The following NUS1 variants were observed in gnomAD, a reference collection of about 807,000 sequenced individuals.
NUS1 encodes the protein NUS1 dehydrodolichyl diphosphate synthase subunit.
For missense variants in NUS1, 292 were observed against 382.9 expected (o/e 0.76, Z 1.98); for synonymous variants, 135 against 155.2 (o/e 0.87, Z 0.97).
At chr6:117,703,506 T>TG (rs1356922001) in intron 3 of NUS1, 99 bp from the exon 4 acceptor site, 1 of 880,120 alleles carries the variant, frequency 1.1e-6, no homozygotes, top group Non-Finnish European at 1.9e-6. Context: ...AAAGAACCAA[T>TG]TTGATTAATA....
chr6:117,690,296 A>G lies in NUS1; in HGVS notation c.416-2746A>G, dbSNP rs559825172. Among the ~76,000 whole-genome samples the G allele has an allele frequency of 8.4e-4, 125 of 148,432 alleles. 6 individuals are homozygous for G. The South Asian group carries it at 0.026, about 31-fold the overall frequency. On this transcript the variant is annotated intron_variant, in intron 1 of 4. Transcript: ENST00000368494. ...GCTTTCATAATTATTGTGGGCATTCATACGTAGTGCCATCTTAGCCTTCTA... is the reference window on the plus strand; with the variant it reads ...GCTTTCATAATTATTGTGGGCATTCGTACGTAGTGCCATCTTAGCCTTCTA...
chr6:117,689,505 G>A (rs1235016232), intron 1 of NUS1, among the ~76,000 whole-genome samples: 1 of 151,900 alleles, frequency 6.6e-6, no homozygotes, highest in Non-Finnish European at 1.5e-5. Flanking sequence ...TAATAAACTT[G>A]TATGTTCTGG....
At chr6:117,686,127 G>C (rs1773135698) in intron 1 of NUS1, among the ~76,000 whole-genome samples, 1 of 150,580 alleles carries the variant, frequency 6.6e-6, no homozygotes, top group African/African-American at 2.4e-5. Flanking sequence ...CGGGCGTGGT[G>C]GTGGGCGCCT....
At chr6:117,689,396 G>A (rs1773183474) in intron 1 of NUS1, among the ~76,000 whole-genome samples, 1 of 152,176 alleles carries the variant, frequency 6.6e-6, no homozygotes, top group African/African-American at 2.4e-5. Flanking sequence ...TTGGTGTGAT[G>A]TGAATAGACA....
At chr6:117,696,527 G>A (rs933809210) in intron 3 of NUS1, among the ~76,000 whole-genome samples, 3 of 151,858 alleles carry the variant, frequency 2.0e-5, no homozygotes, top group African/African-American at 7.3e-5. Context: ...AGCAACAAGA[G>A]AAAAGAAACA....
At chr6:117,695,322 C>A (rs1020569584) in intron 3 of NUS1, among the ~76,000 whole-genome samples, 2 of 151,954 alleles carry the variant, frequency 1.3e-5, no homozygotes, top group Non-Finnish European at 2.9e-5. Flanking sequence ...AGTCCATCTC[C>A]CACTTCTTGG....
chr6:117,692,007 T>G (rs1444023542), intron 1 of NUS1, among the ~76,000 whole-genome samples: 1 of 151,978 alleles, frequency 6.6e-6, no homozygotes, highest in Non-Finnish European at 1.5e-5. Context: ...CCACAGAGAA[T>G]CCATAGAATG....
intron 1 of NUS1, among the ~76,000 whole-genome samples, chr6:117,688,077 G>A (rs1189477787): frequency 6.6e-6 from 1 of 152,132 alleles, no homozygotes; most frequent in Non-Finnish European, 1.5e-5. Flanking sequence ...AAAAAAATTA[G>A]CTGGGCACAG....
intron 1 of NUS1, among the ~76,000 whole-genome samples, chr6:117,678,251 T>G (rs1030334548): frequency 1.3e-5 from 2 of 152,058 alleles, no homozygotes; most frequent in African/African-American, 4.8e-5. Context: ...AGTTTTTTTG[T>G]TTGTTTTTTT....
At chr6:117,691,870 C>T (rs1014844282) in intron 1 of NUS1, among the ~76,000 whole-genome samples, 6 of 151,606 alleles carry the variant, frequency 4.0e-5, no homozygotes, top group Non-Finnish European at 7.4e-5. Flanking sequence ...TTATTCATCA[C>T]GTTGCTCTGT....
intron 3 of NUS1, among the ~76,000 whole-genome samples, chr6:117,699,066 C>A (rs992868929): frequency 2.6e-5 from 4 of 152,114 alleles, no homozygotes; most frequent in African/African-American, 4.8e-5. Flanking sequence ...TGGGGAAAAA[C>A]TGAAAGCCTT....
intron 1 of NUS1, among the ~76,000 whole-genome samples, chr6:117,683,965 A>C (rs1773099930): frequency 6.6e-6 from 1 of 152,230 alleles, no homozygotes; most frequent in Admixed American, 6.5e-5. Context: ...GACTGAATAC[A>C]GTATGTAACC....
At chr6:117,685,868 A>G (rs1441906138) in intron 1 of NUS1, among the ~76,000 whole-genome samples, 1 of 152,088 alleles carries the variant, frequency 6.6e-6, no homozygotes, top group Non-Finnish European at 1.5e-5. Flanking sequence ...CTCTGGAGTC[A>G]GGAGAATCAC....
chr6:117,694,285 C>A, intron 3 of NUS1, 105 bp downstream of exon 3: 1 of 576,982 alleles, frequency 1.7e-6, no homozygotes, highest in Non-Finnish European at 2.7e-6. Context: ...TTGTTTCTTT[C>A]ACACCATAAA....
intron 3 of NUS1, 78 bp downstream of exon 3, chr6:117,694,258 T>A: frequency 1.3e-6 from 1 of 773,850 alleles, no homozygotes; most frequent in Non-Finnish European, 1.8e-6. Flanking sequence ...GAGGATACAG[T>A]ATGAAAGAAA....
At chr6:117,705,115 C>G (rs1010303221) in intron 4 of NUS1, among the ~76,000 whole-genome samples, 1 of 152,192 alleles carries the variant, frequency 6.6e-6, no homozygotes, top group Non-Finnish European at 1.5e-5. Context: ...TCTAAATCAT[C>G]TGGTCCCACC....
At chr6:117,699,330 G>A (rs1037533432) in intron 3 of NUS1, among the ~76,000 whole-genome samples, 22 of 152,156 alleles carry the variant, frequency 1.4e-4, no homozygotes, top group Non-Finnish European at 2.4e-4. Context: ...AAAATCAGGA[G>A]CATTTCTATA....
At chr6:117,696,599 GGA>G (rs948804949) in intron 3 of NUS1, among the ~76,000 whole-genome samples, 1 of 152,068 alleles carries the variant, frequency 6.6e-6, no homozygotes, top group African/African-American at 2.4e-5. Context: ...TTACAGGCTG[GGA>G]GAGAGTGGCA....
chr6:117,684,328 A>G (rs73511205), intron 1 of NUS1, among the ~76,000 whole-genome samples: 7,984 of 152,238 alleles, frequency 0.052, 494 homozygotes, highest in East Asian at 0.27. Context: ...TTCTATATCT[A>G]ACTCCTTGTC....
Sources: gnomAD v4.1 joint callset for allele counts (sites outside exome capture counted in the v4.1 genomes callset) on GRCh38, gnomAD v4.1.1 for gene constraint, MANE v1.5 for transcripts, NCBI Gene and HGNC (gene_info 2026-07-23, HGNC 2026-07-21) for gene names.